Variants in HTATIP2 observed in about 807,000 individuals in gnomAD.
HTATIP2 encodes the protein HIV-1 Tat interactive protein 2.
A neutral mutation model predicts 24.7 loss-of-function variants in HTATIP2; 26 were observed. That is an observed-to-expected ratio of 1.05 (90% CI 0.77 to 1.46). HTATIP2 has a LOEUF of 1.46. Ranked by LOEUF, HTATIP2 falls within the 40% of genes most tolerant of loss-of-function variation. The pLI is 0.00. For missense variants in HTATIP2, 284 were observed against 289.6 expected (o/e 0.98, Z 0.14); for synonymous variants, 99 against 113.2 (o/e 0.87, Z 0.79).
chr11:20,381,928 G>A (rs967123743), intron 3 of HTATIP2, among the ~76,000 whole-genome samples: 6 of 152,198 alleles, frequency 3.9e-5, no homozygotes, highest in African/African-American at 1.4e-4. Flanking sequence ...TATCAATAAA[G>A]TGAGAGGACT....
chr11:20,367,669 T>G (rs559667239), intron 2 of HTATIP2: 1 of 1,165,590 alleles, frequency 8.6e-7, no homozygotes, highest in Non-Finnish European at 1.1e-6. Context: ...TCTGTCTCAC[T>G]TGAGTGATTT....
chr11:20,379,604 C>G (rs112600819), intron 3 of HTATIP2, among the ~76,000 whole-genome samples: 1 of 152,158 alleles, frequency 6.6e-6, no homozygotes, highest in African/African-American at 2.4e-5. Flanking sequence ...GGGCTTGGAT[C>G]AATCATGTGC....
At chr11:20,365,539 G>A (rs539118736) in intron 1 of HTATIP2, among the ~76,000 whole-genome samples, 3 of 152,310 alleles carry the variant, frequency 2.0e-5, no homozygotes, top group South Asian at 2.1e-4. Context: ...GATTCTCGCA[G>A]GTCTGTGTTC....
chr11:20,368,043 C>T (rs1410552066), intron 2 of HTATIP2, among the ~76,000 whole-genome samples: 1 of 151,856 alleles, frequency 6.6e-6, no homozygotes, highest in Non-Finnish European at 1.5e-5. Flanking sequence ...GCATGTTCTG[C>T]ATATGTATCC....
At chr11:20,376,939 A>G (rs1333038909) in intron 3 of HTATIP2, among the ~76,000 whole-genome samples, 2 of 152,158 alleles carry the variant, frequency 1.3e-5, no homozygotes, top group South Asian at 2.1e-4. Flanking sequence ...AAATGGAATG[A>G]GATATGGCAT....
intron 2 of HTATIP2, among the ~76,000 whole-genome samples, chr11:20,371,536 A>G (rs2064772371): frequency 6.6e-6 from 1 of 152,062 alleles, no homozygotes; most frequent in Non-Finnish European, 1.5e-5. Context: ...AGCTCAAGCA[A>G]TCCTCCCACC....
At chr11:20,378,396 T>C (rs1480912415) in intron 3 of HTATIP2, among the ~76,000 whole-genome samples, 1 of 152,128 alleles carries the variant, frequency 6.6e-6, no homozygotes. Context: ...CTCAGATTCC[T>C]GGGCTCAAAC....
intron 1 of HTATIP2, among the ~76,000 whole-genome samples, chr11:20,366,099 CTTTTTTTTTTTTTT>C (rs746247166): frequency 9.2e-6 from 1 of 108,668 alleles, no homozygotes; most frequent in South Asian, 3.1e-4. Context: ...CTTTTCTTTT[CTTTTTTTTTTTTTT>C]TTTTTTGAGA....
chr11:20,383,221 G>C lies in HTATIP2; in HGVS notation c.*16G>C. On this transcript the variant is annotated 3_prime_UTR_variant, in exon 5 of 5. Coordinates refer to ENST00000451739, the MANE Select transcript of HTATIP2 (RefSeq NM_001098522.2). ...CAAGCCATGACCACATTGGAGAAAT[G>C]GTTTTTATTGTCAACCTTAACACCC... is the stretch of plus-strand genomic sequence containing the variant. The C allele has an allele frequency of 6.3e-7, 1 of 1,589,418 alleles. No individual in the cohort carries two copies. Among genetic ancestry groups the C allele is most frequent in the African/African-American group, 1.3e-5 (1 of 74,546 alleles).
At chr11:20,370,917 G>A (rs2064766448) in intron 2 of HTATIP2, among the ~76,000 whole-genome samples, 1 of 152,124 alleles carries the variant, frequency 6.6e-6, no homozygotes, top group Non-Finnish European at 1.5e-5. Flanking sequence ...CCAAAGTGCT[G>A]GGATTACAGG....
chr11:20,373,022 C>T (rs896770042), intron 2 of HTATIP2, among the ~76,000 whole-genome samples: 2 of 152,116 alleles, frequency 1.3e-5, no homozygotes, highest in Non-Finnish European at 2.9e-5. Context: ...TGGAAAAACG[C>T]GTATTTATAA....
At chr11:20,375,780 A>G (rs1246000733) in intron 2 of HTATIP2, among the ~76,000 whole-genome samples, 1 of 152,182 alleles carries the variant, frequency 6.6e-6, no homozygotes, top group Non-Finnish European at 1.5e-5. Context: ...GTAAAGGTGC[A>G]TGCTTTTCAG....
rs763432540 is a variant in HTATIP2 at position 20,363,844 on chromosome 11, G to T, written c.-394G>T. The T allele has an allele frequency of 1.0e-5, 13 of 1,244,974 alleles. No individual in the cohort carries two copies. The East Asian group carries it at 4.1e-4, about 39-fold the overall frequency. 77.1% of individuals were successfully genotyped at this position (1,244,974 alleles called of 1,614,324 possible). A position where few individuals can be genotyped will look rare whatever the true frequency, so the allele number is the denominator to read the frequency against. On this transcript the variant is annotated 5_prime_UTR_variant, in exon 1 of 5. Transcript: ENST00000451739. ...GGCCTGCGGCGCTGAGCGCGGCGGC[G>T]GCGGCTGCTCTGGCGGCCGCCCTGC...
At chr11:20,371,349 C>T (rs2064770196) in intron 2 of HTATIP2, among the ~76,000 whole-genome samples, 1 of 152,212 alleles carries the variant, frequency 6.6e-6, no homozygotes, top group East Asian at 1.9e-4. Flanking sequence ...AGGCCACTAC[C>T]TCCTTGTCTG....
rs998577399 is a variant in HTATIP2, at chr11:20,363,935, C to T, written c.-303C>T. On this transcript the variant is annotated 5_prime_UTR_variant, in exon 1 of 5. Transcript: ENST00000451739. The stretch of plus-strand genomic sequence containing the variant: ...CAGGTAACCCCTCCGCGTATGGGAC[C>T]GAGCTGGGCCAGGTCTCCTGGCCGG... 11 of 1,242,376 alleles carry T rather than the reference C, an allele frequency of 8.9e-6. No individual in the cohort carries two copies. The highest frequency in any genetic ancestry group is 1.1e-5 in the Non-Finnish European group (11 of 990,076). 77.0% of individuals were successfully genotyped at this position (1,242,376 alleles called of 1,614,324 possible). A position where few individuals can be genotyped will look rare whatever the true frequency, so the allele number is the denominator to read the frequency against.
At chr11:20,368,726 G>A (rs978023421) in intron 2 of HTATIP2, among the ~76,000 whole-genome samples, 1 of 152,172 alleles carries the variant, frequency 6.6e-6, no homozygotes, top group Non-Finnish European at 1.5e-5. Flanking sequence ...ATGACATAAG[G>A]CAAATCTCAT....
At chr11:20,368,644 A>C (rs2064739121) in intron 2 of HTATIP2, among the ~76,000 whole-genome samples, 1 of 152,228 alleles carries the variant, frequency 6.6e-6, no homozygotes, top group South Asian at 2.1e-4. Flanking sequence ...GGTTTGTCTC[A>C]AGTGCCAACC....
At position 20,383,163 on chromosome 11, in the gene HTATIP2, C is replaced by T; in HGVS notation, c.687C>T (p.Ala229=). ...DKQMELLENK[A]IHDLGKAHGS... is the part of the protein sequence containing the mutation. The stretch of plus-strand genomic sequence containing the variant: ...AGATGGAACTGCTGGAGAACAAGGC[C>T]ATCCATGACCTGGGGAAAGCGCATG... Residue 229 remains alanine, a synonymous_variant, in exon 5 of 5, where the codon GCC becomes GCT. Transcript: ENST00000451739. 6.2e-7 allele frequency: 1 copy of T among 1,613,948 alleles called. No homozygotes were observed. Among genetic ancestry groups the T allele is most frequent in the Admixed American group, 1.7e-5 (1 of 59,998 alleles).
Position 20,364,254 on chromosome 11 carries a change from C to G in HTATIP2, c.17C>G (p.Ala6Gly). The G allele has an allele frequency of 6.2e-7, 1 of 1,605,342 alleles. No individual in the cohort carries two copies. Among genetic ancestry groups the G allele is most frequent in the Non-Finnish European group, 8.5e-7 (1 of 1,173,578 alleles). ...TTCCCCAGCATGGCCGAAACAGAAG[C>G]CCTGTCGAAGCTTCGGGAAGACTTC... Reference protein sequence around the residue: MAETEALSKLREDFRM... With the variant: MAETEGLSKLREDFRM... The change falls in exon 1 of 5, where the codon GCC (alanine) becomes GGC (glycine). Residue 6 changes from alanine to glycine, a missense_variant. Coordinates refer to ENST00000451739, the MANE Select transcript of HTATIP2 (RefSeq NM_001098522.2).
Sources: allele counts gnomAD v4.1 joint callset (sites outside exome capture counted in the v4.1 genomes callset), GRCh38; gene constraint gnomAD v4.1.1; transcripts MANE v1.5; gene names NCBI Gene and HGNC (gene_info 2026-07-23, HGNC 2026-07-21).